The following PPP2R3A variants were observed in gnomAD, a reference collection of about 807,000 sequenced individuals.
PPP2R3A encodes serine/threonine-protein phosphatase 2A regulatory subunit B'' subunit alpha.
PPP2R3A carries 80 observed loss-of-function variants against 106.9 expected under a neutral mutation model. That is an observed-to-expected ratio of 0.75 (90% CI 0.62 to 0.90). The LOEUF (loss-of-function observed/expected upper bound fraction) is 0.90. Ranked by LOEUF, PPP2R3A falls within the 40% of genes least tolerant of loss-of-function variation. The pLI, the probability that PPP2R3A is intolerant of heterozygous loss-of-function variation, is 0.00. For missense variants in PPP2R3A, 1,386 were observed against 1,350.4 expected (o/e 1.03, Z -0.41); for synonymous variants, 483 against 468.3 (o/e 1.03, Z -0.41).
intron 9 of PPP2R3A, among the ~76,000 whole-genome samples, chr3:136,088,763 T>C (rs1559913542): frequency 6.6e-6 from 1 of 152,226 alleles, no homozygotes; most frequent in Non-Finnish European, 1.5e-5. Flanking sequence ...TGTTACATTT[T>C]GACGTTTTAG....
intron 11 of PPP2R3A, among the ~76,000 whole-genome samples, chr3:136,102,805 A>C (rs1937411319): frequency 6.6e-6 from 1 of 152,182 alleles, no homozygotes; most frequent in South Asian, 2.1e-4. Flanking sequence ...AGCCTAGGCA[A>C]CACAGCGAGA....
At chr3:135,986,282 G>A (rs1336829821) in intron 1 of PPP2R3A, among the ~76,000 whole-genome samples, 1 of 152,100 alleles carries the variant, frequency 6.6e-6, no homozygotes, top group Admixed American at 6.6e-5. Flanking sequence ...TTTTCAGGAG[G>A]TAGAAGGGGT....
intron 6 of PPP2R3A, among the ~76,000 whole-genome samples, chr3:136,071,874 C>G (rs1936439890): frequency 6.6e-6 from 1 of 152,126 alleles, no homozygotes; most frequent in East Asian, 1.9e-4. Flanking sequence ...CTTCCTCTTT[C>G]CTTTGCTTGG....
intron 5 of PPP2R3A, among the ~76,000 whole-genome samples, chr3:136,058,728 A>G (rs7610302): frequency 0.63 from 96,316 of 152,052 alleles, 31,849 homozygotes; most frequent in African/African-American, 0.81. Flanking sequence ...AACAAAGCTG[A>G]AGGCATCATG....
At position 135,981,154 on chromosome 3, in the gene PPP2R3A, G is replaced by A. The variant is rs191132406; in HGVS notation, c.-441+15305G>A. Among the ~76,000 whole-genome samples the A allele has an allele frequency of 3.8e-4, 58 of 151,978 alleles. 1 individual carries two copies. The highest frequency in any genetic ancestry group is 1.4e-3 in the African/African-American group (56 of 41,238). ...GGTCCACCTTACTGGTGAGCCAGAC[G>A]ACTATTCAGTAATTAGACTTTTGTA... On this transcript the variant is annotated intron_variant, in intron 1 of 13. Transcript: ENST00000264977.
At chr3:136,001,029 A>G (rs978260788) in intron 1 of PPP2R3A, 30 bp from the exon 2 acceptor site, 2 of 389,682 alleles carry the variant, frequency 5.1e-6, no homozygotes, top group Admixed American at 4.5e-5. Context: ...CATTAAAAAA[A>G]TTTCCTTTTA....
At position 136,080,081 on chromosome 3, in the gene PPP2R3A, T is replaced by A. The variant is rs529445394; in HGVS notation, c.2631+1628T>A. On this transcript the variant is annotated intron_variant, in intron 7 of 13. Coordinates refer to ENST00000264977, the MANE Select transcript of PPP2R3A (RefSeq NM_002718.5). ...TATTCTCTTATATACATGTAGTATA[T>A]AGTTTTGTTTTGTATGGCTGCTATT... Among the ~76,000 whole-genome samples the A allele has an allele frequency of 2.6e-5, 4 of 152,362 alleles. No individual in the cohort carries two copies. In the East Asian group the frequency reaches 5.8e-4, roughly 22 times the overall value.
intron 5 of PPP2R3A, chr3:136,055,856 A>C: frequency 4.3e-6 from 2 of 470,002 alleles, no homozygotes; most frequent in Non-Finnish European, 7.6e-6. Context: ...TTTAGTAGAC[A>C]CTGCAGTCTT....
intron 13 of PPP2R3A, among the ~76,000 whole-genome samples, chr3:136,125,372 G>T (rs1317882988): frequency 6.6e-6 from 1 of 152,090 alleles, no homozygotes; most frequent in Non-Finnish European, 1.5e-5. Flanking sequence ...TGACTTCACT[G>T]ATTAATTCTG....
chr3:136,031,193 G>A (rs758754922), intron 3 of PPP2R3A, among the ~76,000 whole-genome samples: 2 of 151,836 alleles, frequency 1.3e-5, no homozygotes, highest in South Asian at 2.1e-4. Flanking sequence ...TTTTGCAGGG[G>A]TTAAGGTTCT....
chr3:136,119,315 G>A (rs1021201360), intron 13 of PPP2R3A, among the ~76,000 whole-genome samples: 6 of 152,182 alleles, frequency 3.9e-5, no homozygotes, highest in Non-Finnish European at 8.8e-5. Context: ...CATGGGCAAA[G>A]ACTTCATGTC....
rs1173182123 is a variant in PPP2R3A, at chr3:136,082,259, T to C, written c.2632-6T>C. 1 of 1,572,706 alleles carries C rather than the reference T, an allele frequency of 6.4e-7. No homozygotes were observed. The highest frequency in any genetic ancestry group is 1.1e-5 in the South Asian group (1 of 90,042). On this transcript the variant is annotated splice_region_variant and splice_polypyrimidine_tract_variant and intron_variant, in intron 7 of 13. Coordinates refer to ENST00000264977, the MANE Select transcript of PPP2R3A (RefSeq NM_002718.5). ...TGTTTAAATTCTTCTTTTCATATAA[T>C]TTCAGACCCTAGCACTTTTGGAAGA... is the stretch of plus-strand genomic sequence containing the variant.
At chr3:136,116,056 C>T (rs1387480562) in intron 13 of PPP2R3A, among the ~76,000 whole-genome samples, 2 of 152,182 alleles carry the variant, frequency 1.3e-5, no homozygotes, top group Non-Finnish European at 2.9e-5. Flanking sequence ...TCTGCAGAAA[C>T]CCTACAAGCC....
rs144873190 is a variant in PPP2R3A, at chr3:136,145,147, A to C, written c.3434A>C (p.Gln1145Pro). ...ASLPEKCGKL[Q>P]SVDEE ...CTTCCAGAGAAATGTGGAAAGCTTC[A>C]ATCAGTGGATGAAGAATAGCTGCCG... The change falls in exon 14 of 14, where the codon CAA becomes CCA. Residue 1145 changes from glutamine (Q) to proline (P), a missense_variant. Coordinates refer to ENST00000264977, the MANE Select transcript of PPP2R3A (RefSeq NM_002718.5). 3.7e-5 allele frequency: 60 copies of C among 1,611,572 alleles called. No homozygotes were observed. Among genetic ancestry groups the C allele is most frequent in the Non-Finnish European group, 4.8e-5 (57 of 1,179,316 alleles).
chr3:136,040,255 G>A (rs775676679), intron 3 of PPP2R3A, among the ~76,000 whole-genome samples: 2 of 152,142 alleles, frequency 1.3e-5, no homozygotes, highest in Non-Finnish European at 2.9e-5. Context: ...TATAAGAGTG[G>A]TAAGCCAAGT....
intron 3 of PPP2R3A, among the ~76,000 whole-genome samples, chr3:136,030,778 A>ATATATATATATATATGTATGTATG (rs1206335696): frequency 1.8e-5 from 2 of 111,260 alleles, no homozygotes; most frequent in Admixed American, 8.5e-5. Flanking sequence ...ATATATATAT[A>ATATATATATATATATGTATGTATG]TATGTATGTA....
Position 136,010,851 on chromosome 3 carries a change from C to T in PPP2R3A, c.1995+7358C>T, listed in dbSNP as rs112473933. Among the ~76,000 whole-genome samples the T allele has an allele frequency of 8.5e-5, 13 of 152,300 alleles. 1 individual carries two copies. The highest frequency in any genetic ancestry group is 2.9e-4 in the African/African-American group (12 of 41,572). ...CTCCCCTGCAGTCATCAGTTTTTCT[C>T]CTCTGCTCAATCACTCCTTCAGCAG... On this transcript the variant is annotated intron_variant, in intron 2 of 13. Coordinates refer to ENST00000264977, the MANE Select transcript of PPP2R3A (RefSeq NM_002718.5).
chr3:136,043,256 G>A (rs1231918625), intron 4 of PPP2R3A, among the ~76,000 whole-genome samples: 1 of 152,080 alleles, frequency 6.6e-6, no homozygotes, highest in Non-Finnish European at 1.5e-5. Flanking sequence ...TCAGGAGATC[G>A]AGACCATCCT....
At chr3:136,117,427 A>T (rs553255374) in intron 13 of PPP2R3A, among the ~76,000 whole-genome samples, 4 of 152,196 alleles carry the variant, frequency 2.6e-5, no homozygotes, top group Non-Finnish European at 5.9e-5. Context: ...CCCTTCGAAA[A>T]ATCAATGAAT....
Sources: gnomAD v4.1 joint callset for allele counts (sites outside exome capture counted in the v4.1 genomes callset) on GRCh38, gnomAD v4.1.1 for gene constraint, MANE v1.5 for transcripts, NCBI Gene and HGNC (gene_info 2026-07-23, HGNC 2026-07-21) for gene names.